FAM135B: variants seen among roughly 807,000 people sequenced by gnomAD.
FAM135B encodes protein FAM135B.
Under a neutral mutation model 127.7 loss-of-function variants are expected in FAM135B, and 43 were observed. The observed-to-expected ratio is 0.34, with a 90% confidence interval of 0.26 to 0.43. FAM135B has a LOEUF of 0.43. FAM135B is among the 20% of genes least tolerant of loss of function. The pLI is 1.00. For synonymous variants in FAM135B, 670 were observed against 665.1 expected, an observed-to-expected ratio of 1.01 and a Z score of -0.11; for missense variants, 1,558 against 1,725.6, an observed-to-expected ratio of 0.90 and a Z score of 1.72.
intron 2 of FAM135B, among the ~76,000 whole-genome samples, chr8:138,351,157 T>C (rs1173797217): frequency 6.6e-6 from 1 of 152,220 alleles, no homozygotes; most frequent in Non-Finnish European, 1.5e-5. Flanking sequence ...CTAGCAGATG[T>C]CACCTGTACA....
intron 1 of FAM135B, among the ~76,000 whole-genome samples, chr8:138,417,028 G>C (rs1256123320): frequency 6.6e-6 from 1 of 152,210 alleles, no homozygotes; most frequent in Non-Finnish European, 1.5e-5. Flanking sequence ...TGCCCAGAGA[G>C]ATGGCAGAGA....
chr8:138,275,272 G>A (rs1000214693), intron 3 of FAM135B, among the ~76,000 whole-genome samples: 4 of 152,178 alleles, frequency 2.6e-5, no homozygotes, highest in African/African-American at 9.7e-5. Context: ...CCAAAACATG[G>A]TTCTGACAAA....
At chr8:138,265,920 G>T (rs1027253149) in intron 3 of FAM135B, 78 bp from the exon 4 acceptor site, 2 of 1,462,988 alleles carry the variant, frequency 1.4e-6, no homozygotes, top group Non-Finnish European at 1.8e-6. Flanking sequence ...TGTCTTTCCT[G>T]CTCAAGTAGG....
At chr8:138,327,950 G>C (rs1448540808) in intron 2 of FAM135B, among the ~76,000 whole-genome samples, 2 of 152,086 alleles carry the variant, frequency 1.3e-5, no homozygotes, top group East Asian at 3.9e-4. Flanking sequence ...AAATAGCCAA[G>C]AGTACAAAGC....
At chr8:138,482,192 C>T (rs967998206) in intron 1 of FAM135B, among the ~76,000 whole-genome samples, 5 of 152,178 alleles carry the variant, frequency 3.3e-5, no homozygotes, top group African/African-American at 9.7e-5. Context: ...AGGAGTGACA[C>T]CTTGCTGGTT....
At chr8:138,183,304 G>A (rs1815252413) in intron 9 of FAM135B, among the ~76,000 whole-genome samples, 1 of 152,154 alleles carries the variant, frequency 6.6e-6, no homozygotes, top group Non-Finnish European at 1.5e-5. Context: ...ACTTGAAGGT[G>A]GAGCAACATG....
intron 1 of FAM135B, among the ~76,000 whole-genome samples, chr8:138,447,447 C>T (rs1335401591): frequency 3.9e-5 from 6 of 152,138 alleles, no homozygotes; most frequent in Admixed American, 1.3e-4. Context: ...AAATGTGGCA[C>T]ATATACACCA....
intron 1 of FAM135B, among the ~76,000 whole-genome samples, chr8:138,432,033 G>A (rs999509527): frequency 6.6e-6 from 1 of 152,212 alleles, no homozygotes; most frequent in Non-Finnish European, 1.5e-5. Flanking sequence ...GGCAGGGAAG[G>A]AGACCAGCAC....
intron 5 of FAM135B, among the ~76,000 whole-genome samples, chr8:138,256,122 T>A (rs1822071926): frequency 6.6e-6 from 1 of 152,064 alleles, no homozygotes; most frequent in Admixed American, 6.5e-5. Context: ...AGCTGAAATA[T>A]CCCAGCTTAG....
rs200164132 is a variant in FAM135B, at chr8:138,151,620, C to T, written c.2855G>A (p.Gly952Asp). 1.2e-6 allele frequency: 2 copies of T among 1,614,034 alleles called. No homozygotes were observed. The highest frequency in any genetic ancestry group is 1.3e-5 in the African/African-American group (1 of 74,910). ...AADAINRNST[G>D]QQSQSGSPCI... ...AGGTGAACCGCTTTGGCTTTGCTGGCCTGTTGAGTTCCTGTTGATGGCATC... is the reference window on the plus strand; with the variant it reads ...AGGTGAACCGCTTTGGCTTTGCTGGTCTGTTGAGTTCCTGTTGATGGCATC... Residue 952 changes from glycine (G) to aspartate (D), a missense_variant, in exon 13 of 20, where the codon GGC becomes GAC. Gly to Asp is a moderately conservative substitution (Grantham distance 94, BLOSUM62 -1). Around this residue, in one of 5 missense-constraint regions of FAM135B, gnomAD observed 923 missense variants for 865.3 expected, o/e 1.07. Coordinates refer to ENST00000395297, the MANE Select transcript of FAM135B (RefSeq NM_015912.4).
intron 3 of FAM135B, among the ~76,000 whole-genome samples, chr8:138,271,476 A>T (rs1010108028): frequency 6.6e-6 from 1 of 152,162 alleles, no homozygotes; most frequent in African/African-American, 2.4e-5. Flanking sequence ...CCTGCTATGC[A>T]CTAGGTCTTG....
intron 1 of FAM135B, among the ~76,000 whole-genome samples, chr8:138,444,449 C>G (rs1391133105): frequency 8.5e-5 from 13 of 152,158 alleles, no homozygotes; most frequent in South Asian, 2.1e-4. Flanking sequence ...ATCACAAACT[C>G]TCTCTCAGAC....
chr8:138,437,710 T>C (rs1374218135), intron 1 of FAM135B: 1 of 152,158 alleles, frequency 6.6e-6, no homozygotes, highest in Non-Finnish European at 1.5e-5. Flanking sequence ...TGTCCAGGGC[T>C]GTAAAGTGAG....
chr8:138,336,906 A>G (rs1193820735), intron 2 of FAM135B, among the ~76,000 whole-genome samples: 3 of 152,200 alleles, frequency 2.0e-5, no homozygotes, highest in African/African-American at 7.2e-5. Flanking sequence ...AAGCTTATCC[A>G]CCATGATCAA....
At chr8:138,162,020 G>T (rs945384725) in intron 12 of FAM135B, among the ~76,000 whole-genome samples, 1 of 152,108 alleles carries the variant, frequency 6.6e-6, no homozygotes, top group Admixed American at 6.6e-5. Flanking sequence ...ATTATTGTTT[G>T]CATTGGTTTG....
At chr8:138,406,594 G>C (rs997527130) in intron 1 of FAM135B, among the ~76,000 whole-genome samples, 3 of 152,078 alleles carry the variant, frequency 2.0e-5, no homozygotes, top group African/African-American at 7.2e-5. Context: ...GGGATGCAAG[G>C]CTGGTTCAAT....
intron 3 of FAM135B, among the ~76,000 whole-genome samples, chr8:138,294,989 A>T (rs1201825831): frequency 6.6e-6 from 1 of 152,146 alleles, no homozygotes; most frequent in African/African-American, 2.4e-5. Context: ...CAAGGCAATA[A>T]TCTTCAGAGT....
chr8:138,239,744 C>G (rs959569450), intron 7 of FAM135B, among the ~76,000 whole-genome samples: 4 of 152,092 alleles, frequency 2.6e-5, no homozygotes, highest in African/African-American at 9.7e-5. Flanking sequence ...GACTTGGAAC[C>G]AACCCAAATG....
intron 3 of FAM135B, among the ~76,000 whole-genome samples, chr8:138,273,203 TTTTTG>T (rs962172220): frequency 1.3e-5 from 2 of 152,156 alleles, no homozygotes; most frequent in Admixed American, 1.3e-4. Context: ...AAATAATCTT[TTTTTG>T]TTTTGTTTTG....
Sources: allele counts gnomAD v4.1 joint callset (sites outside exome capture counted in the v4.1 genomes callset), GRCh38; gene constraint gnomAD v4.1.1; regional missense constraint gnomAD v4.1.1; transcripts MANE v1.5; gene names NCBI Gene and HGNC (gene_info 2026-07-23, HGNC 2026-07-21).